The following FILIP1L variants were observed in gnomAD, a reference collection of about 807,000 sequenced individuals.
FILIP1L encodes filamin A interacting protein 1 like, also known as filamin A-interacting protein 1-like.
A neutral mutation model predicts 96.6 loss-of-function variants in FILIP1L; 55 were observed. The observed-to-expected ratio is 0.57, with a 90% CI of 0.46 to 0.71. The LOEUF (loss-of-function observed/expected upper bound fraction) is 0.71, where lower values mean the gene tolerates loss of function less well. Ranked by LOEUF, FILIP1L falls within the 30% of genes least tolerant of loss-of-function variation. The probability of loss-of-function intolerance (pLI) is 0.00; values close to 1 mark genes in which losing one functional copy is unlikely to be tolerated. For synonymous variants in FILIP1L, 467 were observed against 473.9 expected (o/e 0.99, Z 0.19); for missense variants, 1,304 against 1,321.2 (o/e 0.99, Z 0.20).
At chr3:99,987,988 C>CT (rs1484044615) in intron 1 of FILIP1L, among the ~76,000 whole-genome samples, 1 of 152,046 alleles carries the variant, frequency 6.6e-6, no homozygotes, top group Non-Finnish European at 1.5e-5. Flanking sequence ...AAGAATAGCT[C>CT]TTTTTTCTCT....
At chr3:99,868,301 C>T (rs1311423847) in intron 4 of FILIP1L, among the ~76,000 whole-genome samples, 3 of 152,152 alleles carry the variant, frequency 2.0e-5, no homozygotes, top group Admixed American at 6.5e-5. Flanking sequence ...AGGTTAGGCA[C>T]GCTAGAGACA....
intron 1 of FILIP1L, among the ~76,000 whole-genome samples, chr3:100,016,780 C>G (rs970862442): frequency 6.6e-6 from 1 of 152,186 alleles, no homozygotes; most frequent in African/African-American, 2.4e-5. Context: ...TTGCTATAAA[C>G]TTATAAAGCA....
chr3:100,112,352 C>G (rs1247707023), intron 1 of FILIP1L, among the ~76,000 whole-genome samples: 1 of 152,056 alleles, frequency 6.6e-6, no homozygotes, highest in Non-Finnish European at 1.5e-5. Context: ...TTTTTTGCAT[C>G]CTTGGACCTG....
intron 4 of FILIP1L, among the ~76,000 whole-genome samples, chr3:99,904,749 G>A (rs893975704): frequency 2.0e-5 from 3 of 151,942 alleles, no homozygotes; most frequent in Non-Finnish European, 4.4e-5. Flanking sequence ...TCTCTTCTGC[G>A]AGACTTCGTT....
intron 5 of FILIP1L, among the ~76,000 whole-genome samples, chr3:99,838,972 A>G (rs1053146728): frequency 1.3e-5 from 2 of 152,074 alleles, no homozygotes; most frequent in African/African-American, 2.4e-5. Flanking sequence ...CCCTGCCCCA[A>G]CCATCTCAAC....
At chr3:99,838,499 T>C (rs1942989506) in intron 5 of FILIP1L, among the ~76,000 whole-genome samples, 1 of 152,158 alleles carries the variant, frequency 6.6e-6, no homozygotes, top group Non-Finnish European at 1.5e-5. Flanking sequence ...CTGCATATGT[T>C]TAGGGACATT....
At chr3:99,956,408 C>T (rs1331444968) in intron 1 of FILIP1L, among the ~76,000 whole-genome samples, 1 of 152,082 alleles carries the variant, frequency 6.6e-6, no homozygotes, top group Non-Finnish European at 1.5e-5. Context: ...GCTGGAGTGC[C>T]CTGGCATGAT....
chr3:100,021,096 G>T (rs776103666), intron 1 of FILIP1L, among the ~76,000 whole-genome samples: 5 of 152,102 alleles, frequency 3.3e-5, no homozygotes, highest in Non-Finnish European at 5.9e-5. Context: ...CCAGTGTGCT[G>T]TACTTTTCAA....
chr3:99,901,617 ATATCAGCGATGTG>A (rs1706440338), intron 4 of FILIP1L, among the ~76,000 whole-genome samples: 1 of 152,218 alleles, frequency 6.6e-6, no homozygotes, highest in Non-Finnish European at 1.5e-5. Flanking sequence ...CACTGCTTAA[ATATCAGCGATGTG>A]TATTCTAAAG....
rs969391933 is a variant in FILIP1L at position 99,996,147 on chromosome 3, G to C, written c.-10-65117C>G. Among the ~76,000 whole-genome samples the C allele has an allele frequency of 3.3e-5, 5 of 152,094 alleles. No individual in the cohort carries two copies. In the South Asian group the frequency reaches 6.2e-4, roughly 19 times the overall value. ...AACTGAATGCCTATAACAGCACCCA[G>C]GTCACCTCTTGAATGCTTTGCTGCT... On this transcript the variant is annotated intron_variant, in intron 1 of 5. Coordinates refer to ENST00000477258, the MANE Select transcript of FILIP1L (RefSeq NM_001387850.1).
At chr3:100,095,035 A>C (rs971221638) in intron 1 of FILIP1L, among the ~76,000 whole-genome samples, 1 of 151,918 alleles carries the variant, frequency 6.6e-6, no homozygotes, top group African/African-American at 2.4e-5. Context: ...GTTGTGAAAA[A>C]CCAGGCAGGC....
intron 1 of FILIP1L, among the ~76,000 whole-genome samples, chr3:100,065,273 G>A (rs1198114016): frequency 6.6e-6 from 1 of 152,152 alleles, no homozygotes; most frequent in Non-Finnish European, 1.5e-5. Context: ...AGAATATCCA[G>A]ATAATGCTTT....
chr3:100,069,051 A>T (rs1245419199), intron 1 of FILIP1L, among the ~76,000 whole-genome samples: 3 of 152,198 alleles, frequency 2.0e-5, no homozygotes, highest in African/African-American at 4.8e-5. Flanking sequence ...GGCACTTCAT[A>T]ATAGATCAGT....
intron 1 of FILIP1L, among the ~76,000 whole-genome samples, chr3:99,989,597 A>G (rs1186059315): frequency 1.3e-5 from 2 of 151,828 alleles, no homozygotes; most frequent in South Asian, 2.1e-4. Context: ...ATTTTGAAAT[A>G]TTTTCAGAGA....
chr3:100,015,002 C>T (rs1385170198), intron 1 of FILIP1L, among the ~76,000 whole-genome samples: 1 of 124,466 alleles, frequency 8.0e-6, no homozygotes, highest in Non-Finnish European at 1.6e-5. Flanking sequence ...CATGTTTTTT[C>T]ATCTAGTAGT....
intron 1 of FILIP1L, among the ~76,000 whole-genome samples, chr3:100,030,903 TCTTGG>T (rs1448894202): frequency 6.6e-6 from 1 of 152,184 alleles, no homozygotes; most frequent in Non-Finnish European, 1.5e-5. Context: ...ATATAGATAT[TCTTGG>T]CTTAAGAATG....
At chr3:100,073,899 T>C (rs1454343057) in intron 1 of FILIP1L, among the ~76,000 whole-genome samples, 2 of 152,184 alleles carry the variant, frequency 1.3e-5, no homozygotes, top group African/African-American at 2.4e-5. Flanking sequence ...CTTTCTTCCC[T>C]TTGATTGCCC....
At chr3:99,977,576 T>A (rs546551087) in intron 1 of FILIP1L, among the ~76,000 whole-genome samples, 51 of 152,328 alleles carry the variant, frequency 3.3e-4, no homozygotes, top group African/African-American at 1.1e-3. Context: ...ATTATTTTAG[T>A]GTCTCCATGA....
chr3:99,925,571 C>T (rs1206819460), intron 3 of FILIP1L, among the ~76,000 whole-genome samples: 1 of 141,478 alleles, frequency 7.1e-6, no homozygotes, highest in African/African-American at 2.5e-5. Flanking sequence ...ACACTTCCAG[C>T]AGTAGTTTAA....
Sources: gnomAD v4.1 joint callset for allele counts (sites outside exome capture counted in the v4.1 genomes callset) on GRCh38, gnomAD v4.1.1 for gene constraint, MANE v1.5 for transcripts, NCBI Gene and HGNC (gene_info 2026-07-23, HGNC 2026-07-21) for gene names.